Variants in EDEM3 observed in about 807,000 individuals in gnomAD.
EDEM3 encodes ER degradation-enhancing alpha-mannosidase-like protein 3.
A neutral mutation model predicts 110.2 loss-of-function variants in EDEM3; 60 were observed. That is an observed-to-expected ratio of 0.54 (90% confidence interval 0.44 to 0.67). The LOEUF is 0.67. EDEM3 is among the 30% of genes least tolerant of loss of function. The probability of loss-of-function intolerance (pLI) is 0.00; values close to 1 mark genes in which losing one functional copy is unlikely to be tolerated. For missense variants in EDEM3, 996 were observed against 1,121.0 expected, an observed-to-expected ratio of 0.89 and a Z score of 1.59; for synonymous variants, 352 against 382.9, an observed-to-expected ratio of 0.92 and a Z score of 0.94.
chr1:184,724,090 G>C (rs1651060741), intron 7 of EDEM3, among the ~76,000 whole-genome samples: 1 of 151,814 alleles, frequency 6.6e-6, no homozygotes, highest in Non-Finnish European at 1.5e-5. Context: ...TCAGAGGAAG[G>C]CTCACTTTGA....
intron 18 of EDEM3, among the ~76,000 whole-genome samples, chr1:184,705,750 A>C (rs1458843781): frequency 6.6e-6 from 1 of 152,066 alleles, no homozygotes; most frequent in Non-Finnish European, 1.5e-5. Context: ...GTACAAAAGA[A>C]CTCACAATCA....
At position 184,690,695 on chromosome 1, in the gene EDEM3, G is replaced by A. The variant is rs951329892; in HGVS notation, c.*3368C>T. 4 of 152,494 alleles carry A rather than the reference G, an allele frequency of 2.6e-5. No homozygotes were observed. Among genetic ancestry groups the A allele is most frequent in the African/African-American group, 9.7e-5 (4 of 41,428 alleles). The allele number at this position is 152,494 out of a possible 1,614,324, so 9.4% of individuals were successfully genotyped here. ...TAGTGTTACAGCACCTGTTAGTACAGACATCTTTTTCATAAATTACATCAT... is the reference window on the plus strand; with the variant it reads ...TAGTGTTACAGCACCTGTTAGTACAAACATCTTTTTCATAAATTACATCAT... On this transcript the variant is annotated 3_prime_UTR_variant, in exon 20 of 20. Transcript: ENST00000318130.
At chr1:184,712,190 T>C (rs1327100423) in intron 14 of EDEM3, among the ~76,000 whole-genome samples, 1 of 151,956 alleles carries the variant, frequency 6.6e-6, no homozygotes, top group East Asian at 1.9e-4. Flanking sequence ...CCTCCCAGAG[T>C]GCTGGGACTA....
chr1:184,743,814 T>G (rs115253276), intron 2 of EDEM3, among the ~76,000 whole-genome samples: 2,047 of 152,182 alleles, frequency 0.013, 44 homozygotes, highest in East Asian at 0.051. Context: ...TTACACATAT[T>G]TCAAAATAAT....
intron 7 of EDEM3, among the ~76,000 whole-genome samples, chr1:184,725,109 C>G (rs1232662279): frequency 6.6e-6 from 1 of 152,132 alleles, no homozygotes; most frequent in Non-Finnish European, 1.5e-5. Flanking sequence ...AGTTTGCCAA[C>G]CCTGTATTAT....
chr1:184,738,901 G>A (rs1249296733), intron 2 of EDEM3, among the ~76,000 whole-genome samples: 1 of 151,716 alleles, frequency 6.6e-6, no homozygotes, highest in Non-Finnish European at 1.5e-5. Context: ...TTCACCTTAT[G>A]GTTTCTGGCT....
intron 18 of EDEM3, among the ~76,000 whole-genome samples, chr1:184,706,074 T>A (rs1396255992): frequency 6.6e-6 from 1 of 152,132 alleles, no homozygotes; most frequent in Non-Finnish European, 1.5e-5. Context: ...TCTTTAAACC[T>A]TACAATCACC....
chr1:184,752,554 T>G (rs1032128396), intron 1 of EDEM3, among the ~76,000 whole-genome samples: 1 of 152,228 alleles, frequency 6.6e-6, no homozygotes, highest in Non-Finnish European at 1.5e-5. Context: ...GATCTCAAAA[T>G]TTGAGCTGAA....
intron 19 of EDEM3, among the ~76,000 whole-genome samples, chr1:184,698,839 G>A (rs952403260): frequency 1.3e-5 from 2 of 151,642 alleles, no homozygotes; most frequent in Non-Finnish European, 3.0e-5. Context: ...GCCCATGGAA[G>A]AAAATATTTT....
chr1:184,751,135 G>A (rs1571432333), intron 1 of EDEM3, among the ~76,000 whole-genome samples: 1 of 138,300 alleles, frequency 7.2e-6, no homozygotes, highest in African/African-American at 2.5e-5. Context: ...CTTTGCTAAA[G>A]CACTAATTCT....
At chr1:184,739,140 T>C (rs12071631) in intron 2 of EDEM3, among the ~76,000 whole-genome samples, 74,827 of 151,258 alleles carry the variant, frequency 0.49, 18,688 homozygotes, top group East Asian at 0.68. Context: ...CTAAACTTTT[T>C]GCGAACACAT....
rs1337503041 is a variant in EDEM3, at chr1:184,694,208, T to G, written c.2654A>C (p.Asn885Thr). 6.2e-7 allele frequency: 1 copy of G among 1,613,512 alleles called. No individual in the cohort carries two copies. Among genetic ancestry groups the G allele is most frequent in the Admixed American group, 1.7e-5 (1 of 59,890 alleles). ...AGTTTCTGATTGTTCTTGAAGCTGGTTATCTAAATCTGTACATTCACCATT... is the reference window on the plus strand; with the variant it reads ...AGTTTCTGATTGTTCTTGAAGCTGGGTATCTAAATCTGTACATTCACCATT... ...NLNGECTDLDNQLQEQSETEE... is the reference protein window; with the variant it reads ...NLNGECTDLDTQLQEQSETEE... The change falls in exon 20 of 20, where the codon AAC becomes ACC. Residue 885 changes from asparagine (N) to threonine (T), a missense_variant. Transcript: ENST00000318130.
chr1:184,711,655 C>G (rs1650238739), intron 15 of EDEM3, 68 bp downstream of exon 15: 1 of 1,420,784 alleles, frequency 7.0e-7, no homozygotes, highest in Non-Finnish European at 9.4e-7. Flanking sequence ...GATACATGCT[C>G]CCTAAGTTCT....
chr1:184,711,532 A>T lies in EDEM3; in HGVS notation c.1691+191T>A, dbSNP rs111609845. Among the ~76,000 whole-genome samples, 343 of 152,324 alleles carry T rather than the reference A, an allele frequency of 2.3e-3. 1 individual carries two copies. Among genetic ancestry groups the T allele is most frequent in the African/African-American group, 7.8e-3 (325 of 41,568 alleles). On this transcript the variant is annotated intron_variant, in intron 15 of 19. Transcript: ENST00000318130. ...GAAAGTTTCCAAAATAATAAAAAAG[A>T]TATTACTGCAAAATAAGCTTTACTA...
intron 4 of EDEM3, 152 bp from the exon 5 acceptor site, chr1:184,734,795 T>C: frequency 3.1e-6 from 1 of 324,948 alleles, no homozygotes; most frequent in Non-Finnish European, 5.7e-6. Flanking sequence ...AATGTAATAA[T>C]GTCTAAAACT....
At chr1:184,731,670 C>G (rs1159812734) in intron 6 of EDEM3, among the ~76,000 whole-genome samples, 1 of 152,216 alleles carries the variant, frequency 6.6e-6, no homozygotes, top group Non-Finnish European at 1.5e-5. Context: ...ATACTAACTG[C>G]TTCAATTATA....
Position 184,723,864 on chromosome 1 carries a change from T to TCA in EDEM3, c.748-9_748-8insTG. 7.7e-7 allele frequency: 1 copy of TCA among 1,304,308 alleles called. No homozygotes were observed. The allele number at this position is 1,304,308 out of a possible 1,614,324, so 80.8% of individuals were successfully genotyped here. A position where few individuals can be genotyped will look rare whatever the true frequency, so the allele number is the denominator to read the frequency against. On this transcript the variant is annotated splice_polypyrimidine_tract_variant and intron_variant, in intron 7 of 19. Transcript: ENST00000318130. Reference sequence around the variant, plus strand: ...AGCTTTTCTGGCATATTCCTGTAATTTAAAAAAAAAAAAAAAAAAAAGAAG... The same window carrying TCA: ...AGCTTTTCTGGCATATTCCTGTAATTCATAAAAAAAAAAAAAAAAAAAAGAAG...
chr1:184,723,026 A>C (rs1478531983), intron 8 of EDEM3, among the ~76,000 whole-genome samples: 1 of 151,968 alleles, frequency 6.6e-6, no homozygotes, highest in African/African-American at 2.4e-5. Context: ...TGATGGTTAG[A>C]CTGTTTCCCA....
intron 6 of EDEM3, among the ~76,000 whole-genome samples, chr1:184,728,105 C>T (rs1039772533): frequency 6.6e-6 from 1 of 152,134 alleles, no homozygotes; most frequent in African/African-American, 2.4e-5. Context: ...TGCTTACTTA[C>T]CTACCATGTG....
Sources: allele counts gnomAD v4.1 joint callset (sites outside exome capture counted in the v4.1 genomes callset), GRCh38; gene constraint gnomAD v4.1.1; transcripts MANE v1.5; gene names NCBI Gene and HGNC (gene_info 2026-07-23, HGNC 2026-07-21).